The following EPS8L1 variants were observed in gnomAD, a reference collection of about 807,000 sequenced individuals.
EPS8L1 encodes the protein epidermal growth factor receptor kinase substrate 8-like protein 1.
In EPS8L1, 101 loss-of-function variants were observed where a neutral mutation model predicts 91.7. The ratio of observed to expected loss-of-function variants is 1.10; its 90% CI spans 0.94 to 1.30. The LOEUF (loss-of-function observed/expected upper bound fraction) is 1.30, where lower values mean the gene tolerates loss of function less well. EPS8L1 is among the 50% of genes most tolerant of loss of function. The pLI, the probability that EPS8L1 is intolerant of heterozygous loss-of-function variation, is 0.00. For synonymous variants in EPS8L1, 506 were observed against 445.3 expected (o/e 1.14, Z -1.72); for missense variants, 1,114 against 1,017.0 (o/e 1.10, Z -1.30).
At chr19:55,080,499 C>G (rs2147138690) in intron 6 of EPS8L1, 3 of 1,613,726 alleles carry the variant, frequency 1.9e-6, no homozygotes, top group Non-Finnish European at 2.5e-6. Flanking sequence ...AGGACATGAA[C>G]AGAACATGGC....
rs373730764 is a variant in EPS8L1, at chr19:55,080,875, A to C, written c.512+21A>C. 408 of 1,590,298 alleles carry C rather than the reference A, an allele frequency of 2.6e-4. 4 individuals are homozygous for C. The South Asian group carries it at 3.5e-3, about 14-fold the overall frequency. On this transcript the variant is annotated intron_variant, in intron 7 of 19. Transcript: ENST00000201647. The stretch of plus-strand genomic sequence containing the variant: ...CTCAGGTGAGAGGGAAGAAGTTGGC[A>C]GGGTCTCTGGGAAGCCGGTTTCCCC...
In EPS8L1 at chr19:55,083,614, A is replaced by G. The variant is rs1185152667; in HGVS notation, c.1357-2A>G. Reference sequence around the variant, plus strand: ...CTGACCCGACTGTCTTACTTCCTACAGCAAAGCGCCCCCCAGGTCGCTGTC... The same window carrying G: ...CTGACCCGACTGTCTTACTTCCTACGGCAAAGCGCCCCCCAGGTCGCTGTC... On this transcript the variant is annotated splice_acceptor_variant, in intron 13 of 19. Coordinates refer to ENST00000201647, the MANE Select transcript of EPS8L1 (RefSeq NM_133180.3). LOFTEE classifies it high-confidence loss of function. This position sits in a 1 kb window ranked among gnomAD's most constrained non-coding sequence, Gnocchi z 4.7. 6.3e-7 allele frequency: 1 copy of G among 1,596,636 alleles called. No homozygotes were observed. The highest frequency in any genetic ancestry group is 1.8e-5 in the Admixed American group (1 of 57,096).
Position 55,081,930 on chromosome 19 carries a change from C to A in EPS8L1, c.901+31C>A, listed in dbSNP as rs757347288. On this transcript the variant is annotated intron_variant, in intron 9 of 19. Coordinates refer to ENST00000201647, the MANE Select transcript of EPS8L1 (RefSeq NM_133180.3). The surrounding 1 kb of genome is among the most constrained non-coding windows in gnomAD (Gnocchi z 4.9). ...GGGCACCCTGGCGTGGGATCTGAAC[C>A]CCCTCCCGATCTCTTCCAAATGTCC... The A allele has an allele frequency of 1.9e-6, 3 of 1,597,324 alleles. No homozygotes were observed. Among genetic ancestry groups the A allele is most frequent in the Non-Finnish European group, 1.7e-6 (2 of 1,171,140 alleles).
intron 18 of EPS8L1, 36 bp from the exon 19 acceptor site, chr19:55,087,267 G>A (rs539475112): frequency 1.3e-6 from 2 of 1,565,468 alleles, no homozygotes; most frequent in Non-Finnish European, 8.6e-7. Flanking sequence ...GGCATCCGCC[G>A]ACCGGCCTGA....
At position 55,087,329 on chromosome 19, in the gene EPS8L1, C is replaced by T. The variant is rs1230482471; in HGVS notation, c.1979C>T (p.Thr660Ile). 1.1e-5 allele frequency: 18 copies of T among 1,611,200 alleles called. No individual in the cohort carries two copies. The highest frequency in any genetic ancestry group is 1.4e-5 in the Non-Finnish European group (17 of 1,179,392). The change falls in exon 19 of 20, where the codon ACC (threonine) becomes ATC (isoleucine). Residue 660 changes from threonine to isoleucine, a missense_variant. Coordinates refer to ENST00000201647, the MANE Select transcript of EPS8L1 (RefSeq NM_133180.3). Reference sequence around the variant, plus strand: ...ACCGTGGACGCGCTGGGTGTGCTGACCGGGGCGCAGCTTTTCTCGCTGCAG... The same window carrying T: ...ACCGTGGACGCGCTGGGTGTGCTGATCGGGGCGCAGCTTTTCTCGCTGCAG... ...SGTVDALGVLTGAQLFSLQKE... is the reference protein window; with the variant it reads ...SGTVDALGVLIGAQLFSLQKE...
chr19:55,086,773 C>G lies in EPS8L1; in HGVS notation c.1837C>G (p.Arg613Gly), dbSNP rs573274977. The part of the protein sequence containing the change: ...EELQARLAQG[R>G]SGPSRAVPGP... Reference sequence around the variant, plus strand: ...ACTGCAGGCGCGCCTGGCCCAGGGCCGCTCGGGACCGAGCCGCGCAGTCCC... The same window carrying G: ...ACTGCAGGCGCGCCTGGCCCAGGGCGGCTCGGGACCGAGCCGCGCAGTCCC... Residue 613 changes from arginine (R) to glycine (G), a missense_variant, in exon 18 of 20, where the codon CGC (arginine) becomes GGC (glycine). Coordinates refer to ENST00000201647, the MANE Select transcript of EPS8L1 (RefSeq NM_133180.3). 9 of 1,609,670 alleles carry G rather than the reference C, an allele frequency of 5.6e-6. No homozygotes were observed. The African/African-American group carries it at 1.2e-4, about 21-fold the overall frequency.
Position 55,081,511 on chromosome 19 carries a change from G to A in EPS8L1, c.774+19G>A, listed in dbSNP as rs536549385. 411 of 1,551,734 alleles carry A rather than the reference G, an allele frequency of 2.6e-4. No homozygotes were observed. The highest frequency in any genetic ancestry group is 3.3e-4 in the Non-Finnish European group (384 of 1,150,774). The stretch of plus-strand genomic sequence containing the variant: ...GGAAGTGGTGAGCCGCTAAGGAAGG[G>A]GTCTGGGGGCAGGGCCAGGCGACTG... On this transcript the variant is annotated intron_variant, in intron 8 of 19. Coordinates refer to ENST00000201647, the MANE Select transcript of EPS8L1 (RefSeq NM_133180.3). This position sits in a 1 kb window ranked among gnomAD's most constrained non-coding sequence, Gnocchi z 4.9.
In EPS8L1 at chr19:55,081,329, A is replaced by AGCGGGGC. The variant is rs2076254118; in HGVS notation, c.617_623dup (p.Arg211ProfsTer19). On this transcript the variant is annotated frameshift_variant, in exon 8 of 20. Transcript: ENST00000201647. LOFTEE classifies it high-confidence loss of function. This position sits in a 1 kb window ranked among gnomAD's most constrained non-coding sequence, Gnocchi z 4.9. ...GTCCGCGCAGTGATCAGCACCGTAG[A>AGCGGGGC]GCGGGGCGCGGGCCGCGGACGACCC... is the stretch of plus-strand genomic sequence containing the variant. 2 of 1,557,256 alleles carry AGCGGGGC rather than the reference A, an allele frequency of 1.3e-6. No individual in the cohort carries two copies. Among genetic ancestry groups the AGCGGGGC allele is most frequent in the African/African-American group, 1.3e-5 (1 of 74,184 alleles).
In EPS8L1 at chr19:55,081,411, C is replaced by T; in HGVS notation, c.693C>T (p.Thr231=). The T allele has an allele frequency of 1.9e-6, 3 of 1,596,154 alleles. No homozygotes were observed. The highest frequency in any genetic ancestry group is 2.6e-6 in the Non-Finnish European group (3 of 1,173,246). ...CGCAGAGGCCTGAGCCGGTGGGGAC[C>T]TCGAGCAACGCTGACTCGGCCTCCC... The part of the protein sequence containing the change: ...EEAQRPEPVG[T]SSNADSASPD... The change falls in exon 8 of 20, where the codon ACC becomes ACT. Residue 231 remains threonine, a synonymous_variant. Transcript: ENST00000201647. The surrounding 1 kb of genome is among the most constrained non-coding windows in gnomAD (Gnocchi z 4.9).
chr19:55,084,608 C>T (rs942034805), intron 14 of EPS8L1: 3 of 152,182 alleles, frequency 2.0e-5, no homozygotes, highest in East Asian at 1.9e-4. Flanking sequence ...CAGGGGGTGC[C>T]GCGGCCCTGA....
rs761722704 is a variant in EPS8L1, at chr19:55,087,674, C to G, written c.*60C>G. On this transcript the variant is annotated 3_prime_UTR_variant, in exon 20 of 20. Coordinates refer to ENST00000201647, the MANE Select transcript of EPS8L1 (RefSeq NM_133180.3). ...CCCGTGGGAGAACGGACTCCTCAGACTCTCCCCAATAGCGGAAGTCGATCT... is the reference window on the plus strand; with the variant it reads ...CCCGTGGGAGAACGGACTCCTCAGAGTCTCCCCAATAGCGGAAGTCGATCT... The G allele has an allele frequency of 1.1e-4, 175 of 1,552,676 alleles. No individual in the cohort carries two copies. Among genetic ancestry groups the G allele is most frequent in the Non-Finnish European group, 1.5e-4 (167 of 1,129,830 alleles).
chr19:55,076,134 A>C (rs62124196), intron 1 of EPS8L1, among the ~76,000 whole-genome samples: 554 of 26,754 alleles, frequency 0.021, 7 homozygotes, highest in African/African-American at 0.024. Context: ...GGAGGAGGAG[A>C]TGGGGCCTGG....
chr19:55,082,428 G>T (rs1331090525), intron 11 of EPS8L1, 26 bp from the exon 12 acceptor site: 1 of 1,611,304 alleles, frequency 6.2e-7, no homozygotes, highest in African/African-American at 1.3e-5. Flanking sequence ...TGGCGGCACA[G>T]CCTGCCCCTC....
intron 4 of EPS8L1, 126 bp downstream of exon 4, chr19:55,079,183 T>TA: frequency 1.0e-6 from 1 of 985,770 alleles, no homozygotes; most frequent in Non-Finnish European, 1.6e-6. Flanking sequence ...TGCCCATCCA[T>TA]AAAATGGACC....
In EPS8L1 at chr19:55,082,553, C is replaced by A. The variant is rs150360157; in HGVS notation, c.1165C>A (p.Arg389Ser). The A allele has an allele frequency of 2.0e-5, 32 of 1,602,016 alleles. No individual in the cohort carries two copies. The East Asian group carries it at 6.1e-4, about 31-fold the overall frequency. Residue 389 changes from arginine (R) to serine (S), a missense_variant, in exon 12 of 20, where the codon CGT becomes AGT. Transcript: ENST00000201647. ...VALLRDNVTP[R>S]ENELWTSLGD... ...GCTGCTGCGGGACAACGTCACTCCA[C>A]GTGAAAACGAGCTCTGGACCTCGCT...
At position 55,081,306 on chromosome 19, in the gene EPS8L1, C is replaced by G. The variant is rs778101231; in HGVS notation, c.588C>G (p.Val196=). ...ETPPLQRRPS[V]RAVISTVERG... Reference sequence around the variant, plus strand: ...CGCCCCTGCAGCGCCGCCCGTCAGTCCGCGCAGTGATCAGCACCGTAGAGC... The same window carrying G: ...CGCCCCTGCAGCGCCGCCCGTCAGTGCGCGCAGTGATCAGCACCGTAGAGC... Residue 196 remains valine, a synonymous_variant, in exon 8 of 20, where the codon GTC becomes GTG. Transcript: ENST00000201647. This position sits in a 1 kb window ranked among gnomAD's most constrained non-coding sequence, Gnocchi z 4.9. 1.4e-5 allele frequency: 21 copies of G among 1,552,756 alleles called. No homozygotes were observed. In the Admixed American group the frequency reaches 4.1e-4, roughly 30 times the overall value.
rs2076304376 is a variant in EPS8L1, at chr19:55,083,033, G to T, written c.1215-345G>T. Among the ~76,000 whole-genome samples the T allele has an allele frequency of 6.6e-6, 1 of 152,138 alleles. No homozygotes were observed. Among genetic ancestry groups the T allele is most frequent in the Admixed American group, 6.6e-5 (1 of 15,266 alleles). ...TACGGAAAACCTGATTTGGAATCAG[G>T]TGAGATTTAGAGGCTGGATAAGGCA... On this transcript the variant is annotated intron_variant, in intron 12 of 19. Transcript: ENST00000201647. This position sits in a 1 kb window ranked among gnomAD's most constrained non-coding sequence, Gnocchi z 4.7.
intron 17 of EPS8L1, 79 bp from the exon 18 acceptor site, chr19:55,086,635 G>GGGCCCCCCC: frequency 3.1e-6 from 4 of 1,307,704 alleles, no homozygotes; most frequent in Middle Eastern, 2.5e-4. Flanking sequence ...ACGCTGGAGC[G>GGGCCCCCCC]CCCCCCCGCC....
At chr19:55,082,253 C>T in intron 10 of EPS8L1, 22 bp from the exon 11 acceptor site, 1 of 1,607,484 alleles carries the variant, frequency 6.2e-7, no homozygotes, top group Non-Finnish European at 8.5e-7. Flanking sequence ...CCACGCCAAC[C>T]ACCTCCCTCC....
Sources: allele counts gnomAD v4.1 joint callset (sites outside exome capture counted in the v4.1 genomes callset), GRCh38; gene constraint gnomAD v4.1.1; non-coding constraint Gnocchi (gnomAD v3.1); transcripts MANE v1.5; gene names NCBI Gene and HGNC (gene_info 2026-07-23, HGNC 2026-07-21).